The following LMLN variants were observed in gnomAD, a reference collection of about 807,000 sequenced individuals.
LMLN encodes the protein leishmanolysin-like peptidase.
A neutral mutation model predicts 92.3 loss-of-function variants in LMLN; 70 were observed. The observed-to-expected ratio is 0.76, with a 90% CI of 0.63 to 0.92. The LOEUF is 0.92. Among genes scored for constraint, LMLN ranks in the 40% least tolerant of loss-of-function variants. The pLI, the probability that LMLN is intolerant of heterozygous loss-of-function variation, is 0.00. For synonymous variants in LMLN, 308 were observed against 296.2 expected (o/e 1.04, Z -0.41); for missense variants, 691 against 814.6 (o/e 0.85, Z 1.85).
chr3:197,966,189 C>G (rs1721055015), intron 1 of LMLN, among the ~76,000 whole-genome samples: 1 of 152,082 alleles, frequency 6.6e-6, no homozygotes, highest in African/African-American at 2.4e-5. Flanking sequence ...ATTACAGGCA[C>G]CTGCCATCAT....
intron 1 of LMLN, 27 bp downstream of exon 1, chr3:197,960,467 C>T (rs1173776913): frequency 2.5e-6 from 4 of 1,602,492 alleles, no homozygotes; most frequent in Non-Finnish European, 3.4e-6. Context: ...GGGAGCGGGC[C>T]CTCTCAGGGT....
exon 16 of LMLN, chr3:198,041,276 T>A (rs1723397517): frequency 6.6e-6 from 1 of 152,222 alleles, no homozygotes; most frequent in South Asian, 2.1e-4. Flanking sequence ...AAAAAGAAGC[T>A]AATACAGGTT....
intron 1 of LMLN, among the ~76,000 whole-genome samples, chr3:197,966,174 C>G (rs2109841895): frequency 6.6e-6 from 1 of 152,292 alleles, no homozygotes; most frequent in East Asian, 1.9e-4. Context: ...TCCAGAGTAG[C>G]TGGGATTACA....
intron 1 of LMLN, among the ~76,000 whole-genome samples, chr3:197,968,416 A>G (rs1721122936): frequency 6.6e-6 from 1 of 151,960 alleles, no homozygotes; most frequent in South Asian, 2.1e-4. Flanking sequence ...AGATTGCACC[A>G]CTGTACTCCA....
intron 1 of LMLN, among the ~76,000 whole-genome samples, chr3:197,963,165 G>C (rs1381204627): frequency 6.6e-6 from 1 of 151,508 alleles, no homozygotes; most frequent in Non-Finnish European, 1.5e-5. Flanking sequence ...AAAATGTATA[G>C]ATCTTGCATT....
chr3:198,015,206 T>C (rs1282692318), intron 11 of LMLN, among the ~76,000 whole-genome samples: 39 of 106,444 alleles, frequency 3.7e-4, no homozygotes, highest in African/African-American at 9.4e-4. Flanking sequence ...TCTCTGTACC[T>C]TTCAGAGCCT....
chr3:197,989,791 G>C (rs1371036967), intron 8 of LMLN, among the ~76,000 whole-genome samples: 1 of 152,246 alleles, frequency 6.6e-6, no homozygotes, highest in Non-Finnish European at 1.5e-5. Flanking sequence ...AAAGGCTGAG[G>C]TGGAAAGATG....
At chr3:197,976,367 C>T in intron 4 of LMLN, 1 of 478,324 alleles carries the variant, frequency 2.1e-6, no homozygotes, top group Admixed American at 3.9e-5. Context: ...TCACCTTTTT[C>T]CCTCTTTCAT....
Position 197,984,056 on chromosome 3 carries a change from C to G in LMLN, c.834+8C>G, listed in dbSNP as rs1399840294. The G allele has an allele frequency of 2.6e-6, 4 of 1,551,324 alleles. No homozygotes were observed. Among genetic ancestry groups the G allele is most frequent in the Non-Finnish European group, 3.6e-6 (4 of 1,123,182 alleles). ...GAGGTTATTCATGCCCTGGTAAATT[C>G]TAGCCTTACTGTTCTTTCCTTCATG... On this transcript the variant is annotated splice_region_variant and intron_variant, in intron 7 of 15. Coordinates refer to ENST00000330198, the Ensembl canonical transcript of LMLN.
At chr3:198,000,548 C>T (rs967650912) in intron 11 of LMLN, among the ~76,000 whole-genome samples, 2 of 152,174 alleles carry the variant, frequency 1.3e-5, no homozygotes, top group African/African-American at 4.8e-5. Context: ...CTGCCTCAGC[C>T]TCCTGAGTAG....
At chr3:197,999,301 A>G in exon 11 of LMLN, 1 of 1,613,884 alleles carries the variant, frequency 6.2e-7, no homozygotes, top group African/African-American at 1.3e-5. Context: ...CTCAGAATCG[A>G]GTACTCTCTC....
Position 197,960,264 on chromosome 3 carries a change from G to A in LMLN, c.43G>A (p.Gly15Arg), listed in dbSNP as rs375389575. ...CCCGAAGATGGCGGCCGAATGGGGCGGAGGAGTGGGTTACTCGGGCTCAGG... is the reference window on the plus strand; with the variant it reads ...CCCGAAGATGGCGGCCGAATGGGGCAGAGGAGTGGGTTACTCGGGCTCAGG... The change falls in exon 1 of 16, where the codon GGA (glycine) becomes AGA (arginine). Residue 15 changes from glycine to arginine, a missense_variant. Physicochemically the swap from Gly to Arg is moderately radical, Grantham distance 125. Coordinates refer to ENST00000330198, the Ensembl canonical transcript of LMLN. 8 of 1,613,172 alleles carry A rather than the reference G, an allele frequency of 5.0e-6. No homozygotes were observed. The Middle Eastern group carries it at 5.0e-4, about 100-fold the overall frequency.
At chr3:197,976,996 T>C (rs1721402602) in intron 5 of LMLN, among the ~76,000 whole-genome samples, 1 of 152,232 alleles carries the variant, frequency 6.6e-6, no homozygotes, top group African/African-American at 2.4e-5. Context: ...AAATATCTTT[T>C]AGCAAGGCAT....
At chr3:197,990,659 G>A (rs1277061777) in exon 9 of LMLN, 1 of 1,544,032 alleles carries the variant, frequency 6.5e-7, no homozygotes, top group Admixed American at 1.7e-5. Flanking sequence ...GTATCTCCTG[G>A]TAACGCCTCG....
intron 10 of LMLN, among the ~76,000 whole-genome samples, chr3:197,998,709 C>T (rs925423519): frequency 6.6e-6 from 1 of 152,168 alleles, no homozygotes; most frequent in African/African-American, 2.4e-5. Flanking sequence ...AGGTGACCTC[C>T]TGATAGGAAT....
intron 1 of LMLN, among the ~76,000 whole-genome samples, chr3:197,963,386 T>C (rs1167284447): frequency 6.6e-6 from 1 of 152,146 alleles, no homozygotes; most frequent in African/African-American, 2.4e-5. Flanking sequence ...TTATTTTTTG[T>C]TGAGACAGAG....
intron 15 of LMLN, 67 bp from the exon 17 acceptor site, chr3:198,038,500 A>G (rs996649838): frequency 1.6e-5 from 18 of 1,105,750 alleles, no homozygotes; most frequent in East Asian, 1.4e-4. Context: ...TCATCTGTCA[A>G]TATTTAATTG....
At chr3:198,010,155 G>T (rs181268273) in intron 11 of LMLN, among the ~76,000 whole-genome samples, 72 of 152,004 alleles carry the variant, frequency 4.7e-4, no homozygotes, top group African/African-American at 1.4e-3. Context: ...TAATTATTAT[G>T]ATGATGATTA....
At chr3:198,024,181 C>T (rs61622221) in intron 13 of LMLN, among the ~76,000 whole-genome samples, 5,686 of 151,482 alleles carry the variant, frequency 0.038, 349 homozygotes, top group African/African-American at 0.13. Context: ...TTATTAAGAA[C>T]CTAGTGTGAG....
Sources: allele counts gnomAD v4.1 joint callset (sites outside exome capture counted in the v4.1 genomes callset), GRCh38; gene constraint gnomAD v4.1.1; transcripts MANE v1.5; gene names NCBI Gene and HGNC (gene_info 2026-07-23, HGNC 2026-07-21).